The following NOL11 variants were observed in gnomAD, a reference collection of about 807,000 sequenced individuals.
NOL11 encodes the protein nucleolar protein 11.
Under a neutral mutation model 93.0 loss-of-function variants are expected in NOL11, and 42 were observed. The ratio of observed to expected loss-of-function variants is 0.45; its 90% confidence interval spans 0.35 to 0.58. The LOEUF (loss-of-function observed/expected upper bound fraction) is 0.58. Among genes scored for constraint, NOL11 ranks in the 20% least tolerant of loss-of-function variants. NOL11 has a pLI of 0.00. For synonymous variants in NOL11, 296 were observed against 293.7 expected, an observed-to-expected ratio of 1.01 and a Z score of -0.08; for missense variants, 775 against 841.8, an observed-to-expected ratio of 0.92 and a Z score of 0.98.
At position 67,730,492 on chromosome 17, in the gene NOL11, C is replaced by T. The variant is rs1215747349; in HGVS notation, c.853+3844C>T. Reference sequence around the variant, plus strand: ...AGCCAGGATGGTCTCAATCTCCTGACCTCATGATCCGCCCGCCTCAGCCTC... The same window carrying T: ...AGCCAGGATGGTCTCAATCTCCTGATCTCATGATCCGCCCGCCTCAGCCTC... On this transcript the variant is annotated intron_variant, in intron 7 of 17. Transcript: ENST00000253247. Among the ~76,000 whole-genome samples, 4 of 152,158 alleles carry T rather than the reference C, an allele frequency of 2.6e-5. No homozygotes were observed. The East Asian group carries it at 7.7e-4, about 29-fold the overall frequency.
chr17:67,721,457 G>T lies in NOL11; in HGVS notation c.392G>T (p.Gly131Val), dbSNP rs1452765611. The change falls in exon 4 of 18, where the codon GGT (glycine) becomes GTT (valine). Residue 131 changes from glycine to valine, a missense_variant. Physicochemically the swap from Gly to Val is moderately radical, Grantham distance 109. Transcript: ENST00000253247. ...CTCTTCAAGGAAGGTGCTGTTCGTG[G>T]TTTAGAGGCCTTGCTTGCAGACCCC... ...LVLFKEGAVRGLEALLADPQQ... is the reference protein window; with the variant it reads ...LVLFKEGAVRVLEALLADPQQ... 2 of 1,613,986 alleles carry T rather than the reference G, an allele frequency of 1.2e-6. No individual in the cohort carries two copies. The highest frequency in any genetic ancestry group is 1.7e-6 in the Non-Finnish European group (2 of 1,179,892).
At chr17:67,737,242 A>T (rs2055210930) in intron 11 of NOL11, 97 bp downstream of exon 11, 4 of 805,066 alleles carry the variant, frequency 5.0e-6, no homozygotes, top group Non-Finnish European at 8.3e-6. Context: ...GATCATCTTT[A>T]TACCTATAGC....
intron 6 of NOL11, among the ~76,000 whole-genome samples, chr17:67,725,490 G>C (rs573481145): frequency 1.3e-5 from 2 of 152,138 alleles, no homozygotes; most frequent in Non-Finnish European, 2.9e-5. Flanking sequence ...AAGTAAACAA[G>C]AGCAATACAT....
chr17:67,736,783 T>A, intron 10 of NOL11, 29 bp downstream of exon 10: 1 of 1,439,436 alleles, frequency 6.9e-7, no homozygotes, highest in Non-Finnish European at 9.7e-7. Flanking sequence ...ATTGAAACAT[T>A]AGTGCAAATG....
rs914018372 is a variant in NOL11, at chr17:67,737,526, A to G, written c.1237A>G (p.Ile413Val). ...CTTTCAGAAAGATTCAGAAAAACAC[A>G]TTGAAGTAGAAGTACGGAAATTTTT... ...STIMKDSEKH[I>V]EVEVRKFLAL... The change falls in exon 12 of 18, where the codon ATT becomes GTT. Residue 413 changes from isoleucine to valine, a missense_variant. Physicochemically the swap from Ile to Val is conservative, Grantham distance 29. Transcript: ENST00000253247. The G allele has an allele frequency of 7.5e-6, 12 of 1,603,584 alleles. No homozygotes were observed. The highest frequency in any genetic ancestry group is 1.0e-5 in the Non-Finnish European group (12 of 1,177,348).
rs111727150 is a variant in NOL11 at position 67,723,632 on chromosome 17, C to G, written c.520-417C>G. On this transcript the variant is annotated intron_variant, in intron 5 of 17. Transcript: ENST00000253247. ...TCGAACTCCTGACCTTGTGATCCAC[C>G]GACTGCGGCCTCCCAAAGTGCTGGT... is the stretch of plus-strand genomic sequence containing the variant. 3.1e-3 allele frequency among the ~76,000 whole-genome samples: 467 copies of G among 151,842 alleles called. 4 individuals are homozygous for G. The highest frequency in any genetic ancestry group is 0.011 in the South Asian group (53 of 4,814).
rs536953480 is a variant in NOL11 at position 67,739,663 on chromosome 17, TTG to T, written c.1935+57_1935+58del. ...GCTGGGAAAAATCTGTGAAAAAAAG[TTG>T]TATTCAAGGTCAGCACCTGCATTCA... On this transcript the variant is annotated intron_variant, in intron 16 of 17. Coordinates refer to ENST00000253247, the MANE Select transcript of NOL11 (RefSeq NM_015462.5). 47 of 1,178,078 alleles carry T rather than the reference TTG, an allele frequency of 4.0e-5. No homozygotes were observed. The South Asian group carries it at 5.7e-4, about 14-fold the overall frequency. The allele number at this position is 1,178,078 out of a possible 1,614,324, so 73.0% of individuals were successfully genotyped here. A position where few individuals can be genotyped will look rare whatever the true frequency, so the allele number is the denominator to read the frequency against.
At chr17:67,739,226 G>A (rs2055231985) in intron 15 of NOL11, among the ~76,000 whole-genome samples, 1 of 152,174 alleles carries the variant, frequency 6.6e-6, no homozygotes, top group Non-Finnish European at 1.5e-5. Flanking sequence ...TGAAGGCCAA[G>A]TTAAGCTTCC....
At chr17:67,722,917 T>C (rs2043229290) in intron 5 of NOL11, among the ~76,000 whole-genome samples, 1 of 152,066 alleles carries the variant, frequency 6.6e-6, no homozygotes, top group African/African-American at 2.4e-5. Context: ...CTCGAACTCC[T>C]TGGGCTGAAG....
At chr17:67,739,726 C>A in intron 16 of NOL11, 118 bp downstream of exon 16, 1 of 647,530 alleles carries the variant, frequency 1.5e-6, no homozygotes, top group Non-Finnish European at 2.7e-6. Flanking sequence ...CGTAGGAATC[C>A]CTTCCTCATA....
chr17:67,743,693 T>TAGACA, intron 17 of NOL11, 50 bp from the exon 18 acceptor site: 1 of 1,235,044 alleles, frequency 8.1e-7, no homozygotes, highest in African/African-American at 1.5e-5. Flanking sequence ...GGAAGATTTG[T>TAGACA]TTCTATGTAG....
chr17:67,738,867 A>T (rs184728606), intron 14 of NOL11, 65 bp from the exon 15 acceptor site: 2 of 992,118 alleles, frequency 2.0e-6, no homozygotes, highest in East Asian at 2.4e-5. Context: ...TGACAAAGGA[A>T]GTTACTCATA....
chr17:67,730,009 G>C (rs1449325302), intron 7 of NOL11, among the ~76,000 whole-genome samples: 1 of 152,054 alleles, frequency 6.6e-6, no homozygotes, highest in Non-Finnish European at 1.5e-5. Flanking sequence ...CATAGTGTTG[G>C]GATTACAGAC....
In NOL11 at chr17:67,735,888, C is replaced by T. The variant is rs2055196967; in HGVS notation, c.931-12C>T. The T allele has an allele frequency of 1.9e-6, 3 of 1,596,960 alleles. No individual in the cohort carries two copies. In the East Asian group the frequency reaches 6.8e-5, roughly 36 times the overall value. ...AAAAATTTGCTTATGTTTTTGATAA[C>T]TTTTTTTGTAGCTCTGGTATTATGG... On this transcript the variant is annotated splice_polypyrimidine_tract_variant and intron_variant, in intron 8 of 17. Transcript: ENST00000253247.
rs1424433880 is a variant in NOL11 at position 67,719,785 on chromosome 17, A to G, written c.253A>G (p.Lys85Glu). The G allele has an allele frequency of 6.3e-7, 1 of 1,584,650 alleles. No homozygotes were observed. The highest frequency in any genetic ancestry group is 1.7e-5 in the Admixed American group (1 of 58,366). ...TGEYVVVHDN[K>E]VLRIWNNEDV... The stretch of plus-strand genomic sequence containing the variant: ...AGAGTATGTTGTTGTACACGATAAT[A>G]AGGTGAGTTTTAAAACTTTTGTATA... The change falls in exon 2 of 18, where the codon AAG becomes GAG. Residue 85 changes from lysine (K) to glutamate (E), a missense_variant and splice_region_variant. Coordinates refer to ENST00000253247, the MANE Select transcript of NOL11 (RefSeq NM_015462.5).
At chr17:67,736,062 GT>G in intron 9 of NOL11, 39 bp downstream of exon 9, 1 of 1,554,814 alleles carries the variant, frequency 6.4e-7, no homozygotes. Flanking sequence ...AATACAAACC[GT>G]TTTATTAACT....
chr17:67,733,090 G>T (rs942534981), intron 7 of NOL11, among the ~76,000 whole-genome samples: 2 of 151,848 alleles, frequency 1.3e-5, no homozygotes, highest in Non-Finnish European at 2.9e-5. Context: ...TTGGCTGGGC[G>T]TGGTGGCTCA....
At chr17:67,741,213 G>T (rs1376815443) in intron 16 of NOL11, among the ~76,000 whole-genome samples, 2 of 152,046 alleles carry the variant, frequency 1.3e-5, no homozygotes, top group African/African-American at 2.4e-5. Flanking sequence ...GGGACTACAG[G>T]CACAAGCCAC....
intron 16 of NOL11, among the ~76,000 whole-genome samples, chr17:67,741,763 A>G (rs1014278732): frequency 1.3e-5 from 2 of 151,422 alleles, no homozygotes; most frequent in African/African-American, 4.9e-5. Flanking sequence ...GGATTTCACC[A>G]TGTTGTCCAG....
Sources: gnomAD v4.1 joint callset for allele counts (sites outside exome capture counted in the v4.1 genomes callset) on GRCh38, gnomAD v4.1.1 for gene constraint, MANE v1.5 for transcripts, NCBI Gene and HGNC (gene_info 2026-07-23, HGNC 2026-07-21) for gene names.